The following CDH13 variants were observed in gnomAD, a reference collection of about 807,000 sequenced individuals.
CDH13 encodes cadherin 13, also known as cadherin-13.
In CDH13, 24 loss-of-function variants were observed where a neutral mutation model predicts 63.8. That is an observed-to-expected ratio of 0.38 (90% CI 0.27 to 0.53). The LOEUF (loss-of-function observed/expected upper bound fraction) is 0.53. CDH13 is among the 20% of genes least tolerant of loss of function. CDH13 has a pLI of 0.85. For synonymous variants in CDH13, 503 were observed against 355.3 expected (o/e 1.42, Z -4.67); for missense variants, 1,049 against 903.1 (o/e 1.16, Z -2.07).
intron 1 of CDH13, among the ~76,000 whole-genome samples, chr16:82,845,620 C>G (rs1013214175): frequency 6.6e-6 from 1 of 152,118 alleles, no homozygotes; most frequent in Non-Finnish European, 1.5e-5. Context: ...GTTCCCAGTG[C>G]CTGCCACATG....
intron 6 of CDH13, among the ~76,000 whole-genome samples, chr16:83,433,460 G>A (rs1315831768): frequency 6.6e-6 from 1 of 152,180 alleles, no homozygotes; most frequent in Non-Finnish European, 1.5e-5. Flanking sequence ...ATGACCAGCG[G>A]ATAAACCACA....
At chr16:83,124,938 A>C (rs1567853835) in intron 3 of CDH13, among the ~76,000 whole-genome samples, 1 of 152,186 alleles carries the variant, frequency 6.6e-6, no homozygotes, top group Non-Finnish European at 1.5e-5. Flanking sequence ...GTATAATTTG[A>C]AGTCAGGCAA....
intron 12 of CDH13, among the ~76,000 whole-genome samples, chr16:83,781,210 C>A (rs1217172408): frequency 6.6e-6 from 1 of 152,208 alleles, no homozygotes; most frequent in African/African-American, 2.4e-5. Flanking sequence ...CTTATTAAGA[C>A]TGAAACACCA....
At chr16:83,434,232 T>C (rs1033065576) in intron 6 of CDH13, among the ~76,000 whole-genome samples, 1 of 152,162 alleles carries the variant, frequency 6.6e-6, no homozygotes, top group African/African-American at 2.4e-5. Flanking sequence ...TGGACCCCAT[T>C]AGGGCCAGGT....
intron 6 of CDH13, among the ~76,000 whole-genome samples, chr16:83,429,989 T>C (rs192778706): frequency 4.6e-5 from 7 of 152,280 alleles, no homozygotes; most frequent in East Asian, 1.9e-4. Context: ...ATTCCCCTCT[T>C]TGAGTCTATA....
chr16:82,738,653 C>T (rs1268159389), intron 1 of CDH13, among the ~76,000 whole-genome samples: 1 of 152,220 alleles, frequency 6.6e-6, no homozygotes, highest in African/African-American at 2.4e-5. Flanking sequence ...GACCTCATGC[C>T]AGTATCTACC....
intron 1 of CDH13, among the ~76,000 whole-genome samples, chr16:82,808,917 C>T (rs1486665282): frequency 6.6e-6 from 1 of 152,082 alleles, no homozygotes; most frequent in East Asian, 1.9e-4. Context: ...CTTATACCTG[C>T]CCTCATGTTT....
intron 1 of CDH13, among the ~76,000 whole-genome samples, chr16:82,686,803 G>C (rs1198345201): frequency 6.6e-6 from 1 of 152,112 alleles, no homozygotes; most frequent in Non-Finnish European, 1.5e-5. Flanking sequence ...ATCATTTTGG[G>C]TATTATCAAT....
At chr16:83,415,801 C>T (rs2092192056) in intron 6 of CDH13, among the ~76,000 whole-genome samples, 1 of 152,054 alleles carries the variant, frequency 6.6e-6, no homozygotes, top group African/African-American at 2.4e-5. Context: ...ACGTCATACT[C>T]AACAGTGATA....
chr16:83,009,333 A>G (rs7203988), intron 2 of CDH13, among the ~76,000 whole-genome samples: 1 of 151,994 alleles, frequency 6.6e-6, no homozygotes. Context: ...TGTCTCTTTC[A>G]TTTGTTTAGA....
At chr16:82,786,767 T>G (rs1195966835) in intron 1 of CDH13, among the ~76,000 whole-genome samples, 1 of 151,502 alleles carries the variant, frequency 6.6e-6, no homozygotes, top group Non-Finnish European at 1.5e-5. Context: ...TGGTTTTCTG[T>G]CCTTGCAATC....
In CDH13 at chr16:83,326,258, A is replaced by G. The variant is rs968797892; in HGVS notation, c.637-18604A>G. On this transcript the variant is annotated intron_variant, in intron 5 of 13. Transcript: ENST00000567109. ...TTCTTCCTGGAAATTTCTTGGTAGC[A>G]ATGCCTCTGCCAACATGTACCATAC... Among the ~76,000 whole-genome samples, 58 of 152,266 alleles carry G rather than the reference A, an allele frequency of 3.8e-4. 1 individual carries two copies. Among genetic ancestry groups the G allele is most frequent in the Admixed American group, 3.0e-3 (46 of 15,296 alleles).
intron 6 of CDH13, among the ~76,000 whole-genome samples, chr16:83,435,236 G>A (rs1165084247): frequency 2.0e-5 from 3 of 151,958 alleles, no homozygotes; most frequent in Non-Finnish European, 4.4e-5. Flanking sequence ...CAGAAACGGG[G>A]TTTCGCCTTG....
intron 5 of CDH13, among the ~76,000 whole-genome samples, chr16:83,307,307 A>G (rs75001885): frequency 0.072 from 11,015 of 152,196 alleles, 564 homozygotes; most frequent in Non-Finnish European, 0.11. Context: ...CCCCAGCACG[A>G]TTATTTTCCC....
chr16:83,278,566 A>G (rs2089064554), intron 5 of CDH13, among the ~76,000 whole-genome samples: 1 of 152,204 alleles, frequency 6.6e-6, no homozygotes, highest in Non-Finnish European at 1.5e-5. Flanking sequence ...GGGAAGGGAA[A>G]CATACAACAG....
At position 82,792,445 on chromosome 16, in the gene CDH13, A is replaced by G. The variant is rs556003718; in HGVS notation, c.46-65917A>G. ...ATCAATTCATTACCCAGAAATATGT[A>G]TCTGCATGTGTGCAAGTCCCAATAC... On this transcript the variant is annotated intron_variant, in intron 1 of 13. Coordinates refer to ENST00000567109, the MANE Select transcript of CDH13 (RefSeq NM_001257.5). Among the ~76,000 whole-genome samples the G allele has an allele frequency of 4.6e-5, 7 of 152,352 alleles. No individual in the cohort carries two copies. In the South Asian group the frequency reaches 1.2e-3, roughly 27 times the overall value.
At chr16:82,992,410 A>G (rs1911759149) in intron 2 of CDH13, among the ~76,000 whole-genome samples, 1 of 152,212 alleles carries the variant, frequency 6.6e-6, no homozygotes, top group Non-Finnish European at 1.5e-5. Context: ...TATATAAAAA[A>G]TATCTTTAAG....
At chr16:83,466,857 C>T (rs1289329495) in intron 6 of CDH13, among the ~76,000 whole-genome samples, 3 of 152,280 alleles carry the variant, frequency 2.0e-5, no homozygotes, top group East Asian at 1.9e-4. Flanking sequence ...TCATTGCTTC[C>T]CTTTAAATCT....
chr16:82,733,377 A>G (rs1019627610), intron 1 of CDH13, among the ~76,000 whole-genome samples: 1 of 152,096 alleles, frequency 6.6e-6, no homozygotes, highest in African/African-American at 2.4e-5. Context: ...CTATGTAAAA[A>G]AAAATCAAAT....
Sources: gnomAD v4.1 joint callset for allele counts (sites outside exome capture counted in the v4.1 genomes callset) on GRCh38, gnomAD v4.1.1 for gene constraint, MANE v1.5 for transcripts, NCBI Gene and HGNC (gene_info 2026-07-23, HGNC 2026-07-21) for gene names.